HTR1E: variants seen among roughly 807,000 people sequenced by gnomAD.
HTR1E encodes the protein 5-HT-1E.
HTR1E carries 3 observed loss-of-function variants against 3.4 expected under a neutral mutation model. That is an observed-to-expected ratio of 0.89 (90% confidence interval 0.41 to 2.31). HTR1E has a LOEUF of 2.31. Among genes scored for constraint, HTR1E ranks in the 30% most tolerant of loss-of-function variants. The pLI, the probability that HTR1E is intolerant of heterozygous loss-of-function variation, is 0.05. For missense variants in HTR1E, 392 were observed against 467.0 expected (o/e 0.84, Z 1.48); for synonymous variants, 170 against 182.8 (o/e 0.93, Z 0.56).
intron 1 of HTR1E, among the ~76,000 whole-genome samples, chr6:86,946,304 T>G (rs1163137222): frequency 6.6e-6 from 1 of 152,196 alleles, no homozygotes; most frequent in African/African-American, 2.4e-5. Flanking sequence ...TATACCATAT[T>G]TTCACTGTAC....
intron 1 of HTR1E, among the ~76,000 whole-genome samples, chr6:86,999,073 C>A (rs538887265): frequency 6.6e-6 from 1 of 152,278 alleles, no homozygotes; most frequent in Admixed American, 6.5e-5. Context: ...GATTCTCATA[C>A]CTCAGCCTCC....
intron 1 of HTR1E, among the ~76,000 whole-genome samples, chr6:87,005,689 TCTTG>T (rs1768092982): frequency 6.6e-6 from 1 of 152,166 alleles, no homozygotes; most frequent in Non-Finnish European, 1.5e-5. Context: ...GACAAAGATT[TCTTG>T]AGAAATACTC....
chr6:87,013,987 A>T (rs946278460), intron 1 of HTR1E, among the ~76,000 whole-genome samples: 2 of 152,142 alleles, frequency 1.3e-5, no homozygotes, highest in Non-Finnish European at 2.9e-5. Flanking sequence ...AAAAGCCATC[A>T]TTCTGAGCAA....
At chr6:86,955,716 G>C (rs1254273045) in intron 1 of HTR1E, among the ~76,000 whole-genome samples, 1 of 145,492 alleles carries the variant, frequency 6.9e-6, no homozygotes, top group African/African-American at 2.7e-5. Flanking sequence ...GTGTAGGCTT[G>C]AGTGAGTGAG....
rs140690082 is a variant in HTR1E, at chr6:86,959,118, G to T, written c.-186+21295G>T. Among the ~76,000 whole-genome samples the T allele has an allele frequency of 6.4e-4, 97 of 152,242 alleles. 1 individual carries two copies. The highest frequency in any genetic ancestry group is 2.3e-3 in the African/African-American group (95 of 41,546). On this transcript the variant is annotated intron_variant, in intron 1 of 1. Coordinates refer to ENST00000305344, the MANE Select transcript of HTR1E (RefSeq NM_000865.3). ...ATATTGCAACTCAAGTCTGAAGACGGTCTAGAGGCAGAATTCCCTCTTCCT... is the reference window on the plus strand; with the variant it reads ...ATATTGCAACTCAAGTCTGAAGACGTTCTAGAGGCAGAATTCCCTCTTCCT...
At chr6:86,945,007 G>A (rs569518301) in intron 1 of HTR1E, among the ~76,000 whole-genome samples, 2 of 151,430 alleles carry the variant, frequency 1.3e-5, no homozygotes, top group South Asian at 4.2e-4. Flanking sequence ...TTTGGGGTGT[G>A]TTCCTACTTA....
chr6:86,939,388 A>G (rs759453811), intron 1 of HTR1E, among the ~76,000 whole-genome samples: 5 of 152,150 alleles, frequency 3.3e-5, no homozygotes, highest in Non-Finnish European at 7.3e-5. Context: ...TCACTAAGAG[A>G]GCTATATAGA....
rs150443156 is a variant in HTR1E, at chr6:87,002,229, A to G, written c.-185-12921A>G. On this transcript the variant is annotated intron_variant, in intron 1 of 1. Transcript: ENST00000305344. Reference sequence around the variant, plus strand: ...GTGTGTCCGGAGTTTGTTACTTCAGATGTTCAGATGTGTCTGGAGTTTCTT... The same window carrying G: ...GTGTGTCCGGAGTTTGTTACTTCAGGTGTTCAGATGTGTCTGGAGTTTCTT... 5.7e-3 allele frequency among the ~76,000 whole-genome samples: 871 copies of G among 152,232 alleles called. 8 individuals carry two copies. Among genetic ancestry groups the G allele is most frequent in the African/African-American group, 0.02 (816 of 41,534 alleles).
At chr6:86,983,851 A>C in intron 1 of HTR1E, among the ~76,000 whole-genome samples, 1 of 152,264 alleles carries the variant, frequency 6.6e-6, no homozygotes. Flanking sequence ...ATTTTACTAA[A>C]CAATTAGTTT....
intron 1 of HTR1E, among the ~76,000 whole-genome samples, chr6:86,945,128 C>T (rs1768597195): frequency 6.6e-6 from 1 of 152,114 alleles, no homozygotes; most frequent in Admixed American, 6.5e-5. Flanking sequence ...CAGCTCCATG[C>T]ATGTTATTGC....
intron 1 of HTR1E, among the ~76,000 whole-genome samples, chr6:86,987,426 ATAT>A (rs1166273909): frequency 6.6e-6 from 1 of 152,138 alleles, no homozygotes; most frequent in African/African-American, 2.4e-5. Flanking sequence ...AAACTAACTT[ATAT>A]TTCTCTAATG....
At chr6:86,961,285 A>C (rs1425323040) in intron 1 of HTR1E, among the ~76,000 whole-genome samples, 1 of 152,202 alleles carries the variant, frequency 6.6e-6, no homozygotes, top group Non-Finnish European at 1.5e-5. Context: ...GCTAATTATA[A>C]TGCTTACCTA....
At chr6:86,938,428 A>G (rs1195736246) in intron 1 of HTR1E, among the ~76,000 whole-genome samples, 2 of 152,150 alleles carry the variant, frequency 1.3e-5, no homozygotes, top group Non-Finnish European at 2.9e-5. Flanking sequence ...GTTTGGTCTT[A>G]AGCCATCTCC....
chr6:87,010,053 CG>C (rs1307897065), intron 1 of HTR1E, among the ~76,000 whole-genome samples: 5 of 123,138 alleles, frequency 4.1e-5, no homozygotes, highest in South Asian at 2.7e-4. Flanking sequence ...GCTGGCCAGG[CG>C]GGGGGCTGAC....
At chr6:86,945,858 C>T (rs1768608932) in intron 1 of HTR1E, among the ~76,000 whole-genome samples, 1 of 151,990 alleles carries the variant, frequency 6.6e-6, no homozygotes, top group Non-Finnish European at 1.5e-5. Flanking sequence ...CCTGCCTCAG[C>T]CTCCCAAGTA....
chr6:86,971,442 C>T (rs753474393), intron 1 of HTR1E, among the ~76,000 whole-genome samples: 7 of 152,000 alleles, frequency 4.6e-5, no homozygotes, highest in African/African-American at 1.7e-4. Context: ...CTCTGATTTC[C>T]GCAAATAAAA....
intron 1 of HTR1E, among the ~76,000 whole-genome samples, chr6:87,004,791 A>C (rs1323634859): frequency 6.6e-6 from 1 of 152,198 alleles, no homozygotes; most frequent in Non-Finnish European, 1.5e-5. Context: ...TCAGAAAAGA[A>C]GTCACATTAT....
At chr6:86,995,688 G>GAAAAAAA (rs58476122) in intron 1 of HTR1E, among the ~76,000 whole-genome samples, 3 of 55,198 alleles carry the variant, frequency 5.4e-5, no homozygotes, top group Non-Finnish European at 7.6e-5. Context: ...AAAAAAAAAA[G>GAAAAAAA]AAAAAAAAAA....
chr6:87,012,588 T>G (rs1582286904), intron 1 of HTR1E, among the ~76,000 whole-genome samples: 2 of 152,230 alleles, frequency 1.3e-5, no homozygotes, highest in East Asian at 3.9e-4. Context: ...CAAAATTAAG[T>G]TGACTTATTT....
Sources: gnomAD v4.1 joint callset for allele counts (sites outside exome capture counted in the v4.1 genomes callset) on GRCh38, gnomAD v4.1.1 for gene constraint, MANE v1.5 for transcripts, NCBI Gene and HGNC (gene_info 2026-07-23, HGNC 2026-07-21) for gene names.